RTF2: variants seen among roughly 807,000 people sequenced by gnomAD.
The protein encoded by RTF2 is UPF0549 protein C20orf43.
A neutral mutation model predicts 38.0 loss-of-function variants in RTF2; 18 were observed. The observed-to-expected ratio is 0.47, with a 90% CI of 0.33 to 0.70. The LOEUF (loss-of-function observed/expected upper bound fraction) is 0.70, where lower values mean the gene tolerates loss of function less well. RTF2 is among the 30% of genes least tolerant of loss of function. The pLI, the probability that RTF2 is intolerant of heterozygous loss-of-function variation, is 0.02. For synonymous variants in RTF2, 126 were observed against 137.1 expected, an observed-to-expected ratio of 0.92 and a Z score of 0.57; for missense variants, 311 against 379.6, an observed-to-expected ratio of 0.82 and a Z score of 1.50.
intron 5 of RTF2, among the ~76,000 whole-genome samples, chr20:56,509,340 G>T (rs1459865089): frequency 6.6e-6 from 1 of 152,150 alleles, no homozygotes; most frequent in African/African-American, 2.4e-5. Context: ...AAAATGGGCT[G>T]GTTGCAGTGG....
intron 6 of RTF2, chr20:56,513,671 G>A (rs1306843686): frequency 5.1e-6 from 2 of 393,280 alleles, no homozygotes; most frequent in South Asian, 5.6e-5. Flanking sequence ...GGTAGTGACA[G>A]CATGCGAGGG....
chr20:56,491,757 A>T (rs1476685258), intron 5 of RTF2: 1 of 1,551,944 alleles, frequency 6.4e-7, no homozygotes, highest in Non-Finnish European at 8.7e-7. Context: ...CCTGGTCCGT[A>T]TACGCAGATG....
chr20:56,511,229 C>T (rs1396839079), intron 5 of RTF2, among the ~76,000 whole-genome samples: 8 of 152,208 alleles, frequency 5.3e-5, no homozygotes, highest in Admixed American at 2.6e-4. Context: ...TCTTAGGAAC[C>T]GGGCCACACA....
chr20:56,471,411 A>G (rs1414737889), intron 1 of RTF2, among the ~76,000 whole-genome samples: 1 of 152,130 alleles, frequency 6.6e-6, no homozygotes, highest in Non-Finnish European at 1.5e-5. Context: ...CACTAAAAAT[A>G]CAAAAAAGTT....
intron 5 of RTF2, among the ~76,000 whole-genome samples, chr20:56,500,860 C>G (rs1416963159): frequency 1.3e-5 from 2 of 152,174 alleles, no homozygotes; most frequent in Non-Finnish European, 2.9e-5. Context: ...TGGCTCACTG[C>G]TGCCTCAACC....
chr20:56,471,963 G>A lies in RTF2; in HGVS notation c.70-1338G>A, dbSNP rs187501463. 5.3e-5 allele frequency among the ~76,000 whole-genome samples: 8 copies of A among 152,322 alleles called. No individual in the cohort carries two copies. The East Asian group carries it at 1.3e-3, about 26-fold the overall frequency. ...CAGAGGGCCAGGTGTGTTGGCTTACGCCTGTAAACTCAGCCCTTTGGGAGA... is the reference window on the plus strand; with the variant it reads ...CAGAGGGCCAGGTGTGTTGGCTTACACCTGTAAACTCAGCCCTTTGGGAGA... On this transcript the variant is annotated intron_variant, in intron 1 of 8. Coordinates refer to ENST00000357348, the MANE Select transcript of RTF2 (RefSeq NM_016407.5).
Position 56,518,152 on chromosome 20 carries a change from G to A in RTF2, c.808G>A (p.Ala270Thr), listed in dbSNP as rs201707281. The A allele has an allele frequency of 7.4e-6, 12 of 1,614,112 alleles. No homozygotes were observed. The highest frequency in any genetic ancestry group is 3.3e-4 in the Middle Eastern group (2 of 6,058). Residue 270 changes from alanine to threonine, a missense_variant, in exon 9 of 9, where the codon GCT becomes ACT. By Grantham distance (58) the Ala-to-Thr change is moderately conservative. Transcript: ENST00000357348. ...GTGTGGAGCCACAAAGAGGTCCATC[G>A]CTGACAGTGAAGAATCGGAGGCCTA... Reference protein sequence around the residue: ...PPCGATKRSIADSEESEAYKS... With the variant: ...PPCGATKRSITDSEESEAYKS...
At chr20:56,488,236 C>G (rs1302480096) in intron 5 of RTF2, among the ~76,000 whole-genome samples, 2 of 152,072 alleles carry the variant, frequency 1.3e-5, no homozygotes, top group Non-Finnish European at 2.9e-5. Context: ...TGGTGCATGC[C>G]TGTAGTCCGA....
intron 5 of RTF2, among the ~76,000 whole-genome samples, chr20:56,493,222 G>A (rs1162407535): frequency 1.3e-5 from 2 of 152,076 alleles, no homozygotes; most frequent in Admixed American, 6.6e-5. Flanking sequence ...AGGGGCAGGG[G>A]GATGTATGCA....
chr20:56,494,037 A>C (rs555799405), intron 5 of RTF2, among the ~76,000 whole-genome samples: 12 of 152,170 alleles, frequency 7.9e-5, no homozygotes, highest in African/African-American at 2.9e-4. Context: ...CACATCAGTA[A>C]AGGGTGAATA....
At chr20:56,486,701 A>G (rs1182223242) in intron 5 of RTF2, among the ~76,000 whole-genome samples, 9 of 152,308 alleles carry the variant, frequency 5.9e-5, no homozygotes. Flanking sequence ...AATTAAGCAG[A>G]AACAATGGGT....
At chr20:56,490,483 T>G (rs1283137296) in intron 5 of RTF2, among the ~76,000 whole-genome samples, 1 of 152,230 alleles carries the variant, frequency 6.6e-6, no homozygotes, top group Non-Finnish European at 1.5e-5. Context: ...AGATCTGTGC[T>G]GTTCAGCATG....
chr20:56,512,012 T>G (rs1984706687), intron 5 of RTF2, among the ~76,000 whole-genome samples: 1 of 151,932 alleles, frequency 6.6e-6, no homozygotes, highest in African/African-American at 2.4e-5. Flanking sequence ...CATACACAGT[T>G]TTTGTATTTT....
intron 5 of RTF2, chr20:56,497,616 G>A (rs745947148): frequency 6.2e-6 from 8 of 1,283,512 alleles, no homozygotes. Context: ...CATATCTTGA[G>A]CTCCAGGTGC....
intron 5 of RTF2, among the ~76,000 whole-genome samples, chr20:56,511,934 G>A (rs1984699292): frequency 6.6e-6 from 1 of 152,106 alleles, no homozygotes; most frequent in Non-Finnish European, 1.5e-5. Flanking sequence ...TCGGGTTCAA[G>A]CGATTCTCTC....
At chr20:56,483,288 C>T (rs1387269262) in intron 4 of RTF2, among the ~76,000 whole-genome samples, 1 of 152,070 alleles carries the variant, frequency 6.6e-6, no homozygotes, top group Non-Finnish European at 1.5e-5. Context: ...GTTGTATCCA[C>T]CTGACAACAA....
chr20:56,506,134 G>T (rs1300230228), intron 5 of RTF2, among the ~76,000 whole-genome samples: 18 of 152,166 alleles, frequency 1.2e-4, no homozygotes, highest in Non-Finnish European at 1.5e-5. Context: ...CTTAGGCTCT[G>T]TTCTTATTCA....
intron 5 of RTF2, chr20:56,496,730 C>A: frequency 6.4e-7 from 1 of 1,551,980 alleles, no homozygotes; most frequent in South Asian, 1.2e-5. Context: ...GGATGTCAGT[C>A]AGTATGAACT....
At chr20:56,494,884 C>A (rs1363755773) in intron 5 of RTF2, among the ~76,000 whole-genome samples, 1 of 152,188 alleles carries the variant, frequency 6.6e-6, no homozygotes, top group Non-Finnish European at 1.5e-5. Flanking sequence ...GTTATTGTAT[C>A]TCTGTGCAGT....
Sources: gnomAD v4.1 joint callset for allele counts (sites outside exome capture counted in the v4.1 genomes callset) on GRCh38, gnomAD v4.1.1 for gene constraint, MANE v1.5 for transcripts, NCBI Gene and HGNC (gene_info 2026-07-23, HGNC 2026-07-21) for gene names.